The following MCC variants were observed in gnomAD, a reference collection of about 807,000 sequenced individuals.
MCC encodes MCC regulator of Wnt signaling pathway, also known as colorectal mutant cancer protein.
Under a neutral mutation model 116.2 loss-of-function variants are expected in MCC, and 90 were observed. The observed-to-expected ratio is 0.77, with a 90% CI of 0.65 to 0.92. MCC has a LOEUF of 0.92. MCC is among the 40% of genes least tolerant of loss of function. The probability of loss-of-function intolerance (pLI) is 0.00; values close to 1 mark genes in which losing one functional copy is unlikely to be tolerated. For missense variants in MCC, 1,516 were observed against 1,312.2 expected (o/e 1.16, Z -2.40); for synonymous variants, 578 against 510.5 (o/e 1.13, Z -1.78).
chr5:113,307,623 T>A (rs1402338417), intron 3 of MCC, among the ~76,000 whole-genome samples: 1 of 152,198 alleles, frequency 6.6e-6, no homozygotes, highest in South Asian at 2.1e-4. Flanking sequence ...ACAATCTGGA[T>A]GTTTTTATTT....
chr5:113,077,676 T>A (rs917731134), intron 11 of MCC, among the ~76,000 whole-genome samples: 2 of 152,204 alleles, frequency 1.3e-5, no homozygotes, highest in East Asian at 3.8e-4. Flanking sequence ...GGGAAACTTA[T>A]AGCACTAAAT....
intron 3 of MCC, among the ~76,000 whole-genome samples, chr5:113,239,845 C>A (rs1764295617): frequency 1.3e-5 from 2 of 152,168 alleles, no homozygotes; most frequent in African/African-American, 4.8e-5. Context: ...AAGACAGATT[C>A]CTGGTTCTGG....
chr5:113,462,094 T>C (rs1235924781), intron 1 of MCC, among the ~76,000 whole-genome samples: 1 of 152,216 alleles, frequency 6.6e-6, no homozygotes, highest in Non-Finnish European at 1.5e-5. Flanking sequence ...AAAAGAAAGA[T>C]TTTAAAAATG....
At chr5:113,385,313 A>G in intron 1 of MCC, 101 bp from the exon 2 acceptor site, 3 of 1,163,550 alleles carry the variant, frequency 2.6e-6, no homozygotes, top group Non-Finnish European at 3.7e-6. Flanking sequence ...ATATATTCAC[A>G]TACTAGACCT....
chr5:113,303,291 G>T (rs534882483), intron 3 of MCC, among the ~76,000 whole-genome samples: 1 of 152,198 alleles, frequency 6.6e-6, no homozygotes, highest in African/African-American at 2.4e-5. Flanking sequence ...CCAAGGGAGA[G>T]AGTGAGTAAT....
intron 5 of MCC, among the ~76,000 whole-genome samples, chr5:113,132,401 T>TACATACATATATATATACAC (rs1758492705): frequency 5.2e-5 from 3 of 57,742 alleles, no homozygotes; most frequent in African/African-American, 1.3e-4. Context: ...TATATATACA[T>TACATACATATATATATACAC]ACATACATAT....
chr5:113,252,588 T>G (rs1764843564), intron 3 of MCC, among the ~76,000 whole-genome samples: 1 of 152,226 alleles, frequency 6.6e-6, no homozygotes, highest in South Asian at 2.1e-4. Flanking sequence ...ATTATTTCAT[T>G]ATATATTACA....
chr5:113,132,338 G>T, intron 5 of MCC, among the ~76,000 whole-genome samples: 1 of 149,398 alleles, frequency 6.7e-6, no homozygotes, highest in African/African-American at 2.5e-5. Flanking sequence ...GAGAAAATAA[G>T]AGGAAAAAGA....
chr5:113,474,769 G>C (rs550470488), intron 1 of MCC, among the ~76,000 whole-genome samples: 12 of 152,180 alleles, frequency 7.9e-5, no homozygotes, highest in Non-Finnish European at 1.3e-4. Context: ...TTCATCCTTT[G>C]CCTATAATAA....
chr5:113,154,416 C>A (rs1338905115), intron 3 of MCC, among the ~76,000 whole-genome samples: 1 of 152,238 alleles, frequency 6.6e-6, no homozygotes, highest in Non-Finnish European at 1.5e-5. Flanking sequence ...ATAAGCCACA[C>A]TGCCTAGAAT....
intron 3 of MCC, among the ~76,000 whole-genome samples, chr5:113,314,616 C>T (rs1767231898): frequency 6.6e-6 from 1 of 152,132 alleles, no homozygotes; most frequent in South Asian, 2.1e-4. Context: ...GAGATGGAGT[C>T]TTGTTCTGTC....
intron 3 of MCC, among the ~76,000 whole-genome samples, chr5:113,310,597 T>C (rs546392578): frequency 1.1e-4 from 16 of 152,370 alleles, no homozygotes; most frequent in Admixed American, 8.5e-4. Context: ...TTGTTCTGTT[T>C]CTTCACATAG....
intron 9 of MCC, 117 bp from the exon 10 acceptor site, chr5:113,084,307 T>TGATTAAAA: frequency 1.3e-6 from 1 of 775,726 alleles, no homozygotes; most frequent in Non-Finnish European, 2.1e-6. Flanking sequence ...ATTAAAGAAC[T>TGATTAAAA]TAAGAACAGC....
intron 3 of MCC, among the ~76,000 whole-genome samples, chr5:113,272,737 A>G (rs1453925506): frequency 1.3e-5 from 2 of 152,194 alleles, no homozygotes; most frequent in Non-Finnish European, 1.5e-5. Flanking sequence ...AACAAAATAC[A>G]GTAATTATTC....
intron 1 of MCC, among the ~76,000 whole-genome samples, chr5:113,416,690 A>G (rs955815336): frequency 2.2e-4 from 33 of 152,190 alleles, no homozygotes; most frequent in African/African-American, 8.0e-4. Flanking sequence ...AGTGGCTAGA[A>G]AACAAAATAG....
intron 9 of MCC, among the ~76,000 whole-genome samples, chr5:113,084,957 G>C (rs114721114): frequency 1.3e-5 from 2 of 152,206 alleles, no homozygotes; most frequent in African/African-American, 2.4e-5. Flanking sequence ...GAGAGCTGGC[G>C]TCCAGGTTGC....
intron 3 of MCC, among the ~76,000 whole-genome samples, chr5:113,173,097 T>A (rs1761157207): frequency 6.6e-6 from 1 of 152,214 alleles, no homozygotes; most frequent in South Asian, 2.1e-4. Flanking sequence ...AGTGAACTGT[T>A]CGTCTTTTAA....
chr5:113,408,225 G>A (rs939763191), intron 1 of MCC, among the ~76,000 whole-genome samples: 2 of 152,112 alleles, frequency 1.3e-5, no homozygotes, highest in Admixed American at 1.3e-4. Flanking sequence ...ATAGAGGAAG[G>A]CAAACTTCTG....
At chr5:113,488,151 G>T in intron 1 of MCC, 94 bp downstream of exon 1, 2 of 1,295,144 alleles carry the variant, frequency 1.5e-6, no homozygotes, top group Non-Finnish European at 2.0e-6. Flanking sequence ...TGAGCAACTT[G>T]CCGCAAGTTG....
Sources: allele counts gnomAD v4.1 joint callset (sites outside exome capture counted in the v4.1 genomes callset), GRCh38; gene constraint gnomAD v4.1.1; transcripts MANE v1.5; gene names NCBI Gene and HGNC (gene_info 2026-07-23, HGNC 2026-07-21).